Variants in SLC4A4 observed in about 807,000 individuals in gnomAD.
SLC4A4 encodes electrogenic sodium bicarbonate cotransporter 1.
A neutral mutation model predicts 111.5 loss-of-function variants in SLC4A4; 27 were observed. That is an observed-to-expected ratio of 0.24 (90% confidence interval 0.18 to 0.33). SLC4A4 has a LOEUF of 0.33. Ranked by LOEUF, SLC4A4 falls within the 10% of genes least tolerant of loss-of-function variation. The pLI is 1.00. For synonymous variants in SLC4A4, 443 were observed against 463.4 expected, an observed-to-expected ratio of 0.96 and a Z score of 0.57; for missense variants, 909 against 1,315.5, an observed-to-expected ratio of 0.69 and a Z score of 4.78.
chr4:71,317,174 A>C (rs986396169), intron 3 of SLC4A4, among the ~76,000 whole-genome samples: 2 of 151,566 alleles, frequency 1.3e-5, no homozygotes, highest in African/African-American at 4.9e-5. Context: ...GGCACATGCA[A>C]CTCTAGGAGG....
At chr4:71,513,498 T>C (rs1468917471) in intron 16 of SLC4A4, among the ~76,000 whole-genome samples, 3 of 151,184 alleles carry the variant, frequency 2.0e-5, no homozygotes, top group African/African-American at 4.9e-5. Flanking sequence ...ACTGTACTAA[T>C]TTTTTTAATC....
chr4:71,523,835 T>A (rs560654075), intron 16 of SLC4A4, among the ~76,000 whole-genome samples: 1 of 152,106 alleles, frequency 6.6e-6, no homozygotes, highest in Non-Finnish European at 1.5e-5. Context: ...TTTATTTGAG[T>A]TTTATCTAAG....
chr4:71,372,777 A>G (rs1732005551), intron 6 of SLC4A4, among the ~76,000 whole-genome samples: 1 of 151,852 alleles, frequency 6.6e-6, no homozygotes, highest in Admixed American at 6.6e-5. Context: ...TTGCTTTGCA[A>G]GTACTTACCC....
chr4:71,115,298 G>T (rs1248090650), intron 2 of SLC4A4, among the ~76,000 whole-genome samples: 1 of 151,518 alleles, frequency 6.6e-6, no homozygotes, highest in East Asian at 1.9e-4. Flanking sequence ...TAACTAACCT[G>T]CACAGTGTGC....
rs902171558 is a variant in SLC4A4, at chr4:71,332,576, C to T, written c.254-6794C>T. ...TCTCCTGCCTCAGCCTCCCGAGTAG[C>T]TGGGACTACAGGCGCCCGCCACTGC... On this transcript the variant is annotated intron_variant, in intron 3 of 25. Transcript: ENST00000264485. Among the ~76,000 whole-genome samples the T allele has an allele frequency of 4.0e-3, 611 of 151,994 alleles. 4 individuals carry two copies. The highest frequency in any genetic ancestry group is 0.014 in the African/African-American group (587 of 41,486).
chr4:71,095,280 G>A (rs1383812906), intron 2 of SLC4A4, among the ~76,000 whole-genome samples: 2 of 152,190 alleles, frequency 1.3e-5, no homozygotes, highest in Non-Finnish European at 2.9e-5. Context: ...TCACATAAGA[G>A]CAGAGATGAG....
At chr4:71,219,987 A>G (rs985296711) in intron 1 of SLC4A4, among the ~76,000 whole-genome samples, 11 of 152,242 alleles carry the variant, frequency 7.2e-5, no homozygotes, top group Non-Finnish European at 2.9e-5. Context: ...AGATGCTGTG[A>G]ACATTGTTGA....
rs1468002906 is a variant in SLC4A4, at chr4:71,187,297, CGCGGTGGCAGCGAAGGCGGCGGCGGCG to C, written c.-101_-75del. 6.5e-6 allele frequency: 1 copy of C among 154,106 alleles called. No individual in the cohort carries two copies. Among genetic ancestry groups the C allele is most frequent in the Admixed American group, 6.6e-5 (1 of 15,090 alleles). The allele number at this position is 154,106 out of a possible 1,614,324, so 9.5% of individuals were successfully genotyped here. A position where few individuals can be genotyped will look rare whatever the true frequency, so the allele number is the denominator to read the frequency against. On this transcript the variant is annotated 5_prime_UTR_variant, in exon 1 of 26. Transcript: ENST00000264485. ...GCAGCGCTTCGGTGGCGGCGGCGGC[CGCGGTGGCAGCGAAGGCGGCGGCGGCG>C]GCGGCAGTGGCAGTGGCCGCTGCAG...
intron 1 of SLC4A4, among the ~76,000 whole-genome samples, chr4:71,075,837 G>A (rs1366740199): frequency 3.9e-5 from 6 of 152,028 alleles, no homozygotes; most frequent in African/African-American, 1.2e-4. Context: ...GGTGGTGGGC[G>A]CCTGTAGTCC....
At chr4:71,549,669 T>G (rs974671646) in intron 20 of SLC4A4, among the ~76,000 whole-genome samples, 5 of 151,908 alleles carry the variant, frequency 3.3e-5, no homozygotes, top group Non-Finnish European at 7.4e-5. Context: ...TACAGCAAAT[T>G]GGCTTTATTC....
At chr4:71,462,674 G>T (rs1460315886) in intron 12 of SLC4A4, among the ~76,000 whole-genome samples, 1 of 152,058 alleles carries the variant, frequency 6.6e-6, no homozygotes, top group Non-Finnish European at 1.5e-5. Flanking sequence ...CTCCCAAAGT[G>T]CTGGGATTAC....
chr4:71,467,956 T>C (rs977540145), intron 13 of SLC4A4, among the ~76,000 whole-genome samples: 1 of 152,102 alleles, frequency 6.6e-6, no homozygotes, highest in Non-Finnish European at 1.5e-5. Flanking sequence ...TAGTACATCA[T>C]GGACTTATGG....
At chr4:71,428,852 T>A (rs1723386572) in intron 7 of SLC4A4, among the ~76,000 whole-genome samples, 2 of 152,128 alleles carry the variant, frequency 1.3e-5, no homozygotes, top group African/African-American at 4.8e-5. Context: ...GGGTATAAGC[T>A]TTGCAAAAAG....
intron 13 of SLC4A4, among the ~76,000 whole-genome samples, chr4:71,471,036 G>T (rs1727821394): frequency 6.6e-6 from 1 of 151,932 alleles, no homozygotes; most frequent in Non-Finnish European, 1.5e-5. Flanking sequence ...GTGCTTCGTA[G>T]CCTGGTCAGG....
intron 7 of SLC4A4, among the ~76,000 whole-genome samples, chr4:71,429,339 A>G (rs1723438406): frequency 6.6e-6 from 1 of 152,154 alleles, no homozygotes; most frequent in Non-Finnish European, 1.5e-5. Flanking sequence ...TAGAACTGTC[A>G]TCTCAGGTTA....
intron 1 of SLC4A4, among the ~76,000 whole-genome samples, chr4:71,233,568 T>C (rs1368318916): frequency 1.3e-5 from 2 of 152,160 alleles, no homozygotes; most frequent in Admixed American, 6.5e-5. Flanking sequence ...GATGATCTCA[T>C]CCAGTAATAG....
At chr4:71,408,225 G>T (rs1001210867) in intron 7 of SLC4A4, among the ~76,000 whole-genome samples, 2 of 152,012 alleles carry the variant, frequency 1.3e-5, no homozygotes, top group African/African-American at 2.4e-5. Flanking sequence ...ATCCATCCAG[G>T]ATCATAGGAA....
intron 7 of SLC4A4, among the ~76,000 whole-genome samples, chr4:71,418,763 C>A (rs1043780345): frequency 6.6e-6 from 1 of 152,132 alleles, no homozygotes; most frequent in Non-Finnish European, 1.5e-5. Context: ...TAAATAATAT[C>A]CTTATTTAAC....
chr4:71,369,653 G>A (rs888650249), intron 6 of SLC4A4, among the ~76,000 whole-genome samples: 1 of 152,160 alleles, frequency 6.6e-6, no homozygotes, highest in Non-Finnish European at 1.5e-5. Flanking sequence ...ACAAAAAAGG[G>A]GAATAAGATA....
Sources: gnomAD v4.1 joint callset for allele counts (sites outside exome capture counted in the v4.1 genomes callset) on GRCh38, gnomAD v4.1.1 for gene constraint, MANE v1.5 for transcripts, NCBI Gene and HGNC (gene_info 2026-07-23, HGNC 2026-07-21) for gene names.